MID1: variants seen among roughly 807,000 people sequenced by gnomAD.
The protein encoded by MID1 is E3 ubiquitin-protein ligase Midline-1.
In MID1, 7 loss-of-function variants were observed where a neutral mutation model predicts 40.4. That is an observed-to-expected ratio of 0.17 (90% confidence interval 0.10 to 0.33). The LOEUF is 0.33. Among genes scored for constraint, MID1 ranks in the 10% least tolerant of loss-of-function variants. The pLI is 1.00. For synonymous variants in MID1, 229 were observed against 221.2 expected (o/e 1.04, Z -0.31); for missense variants, 367 against 558.5 (o/e 0.66, Z 3.46).
chrX:10,480,138 G>T (rs758522196), intron 5 of MID1, among the ~76,000 whole-genome samples: 19 of 112,108 alleles, frequency 1.7e-4, no homozygotes, highest in African/African-American at 5.5e-4. Context: ...ACAGAGACAA[G>T]GCTCTTGGCA....
chrX:10,639,671 A>T (rs924260218), intron 1 of MID1, among the ~76,000 whole-genome samples: 1 of 111,390 alleles, frequency 9.0e-6, no homozygotes, highest in African/African-American at 3.3e-5. Context: ...GAATGCCACA[A>T]AGATACTCCT....
chrX:10,644,944 T>C (rs1602493354), intron 1 of MID1, among the ~76,000 whole-genome samples: 1 of 112,443 alleles, frequency 8.9e-6, no homozygotes, highest in East Asian at 2.8e-4. Flanking sequence ...TGCTGCTTTG[T>C]CATTGCCGTG....
At chrX:10,683,098 T>C (rs1335981426) in intron 1 of MID1, among the ~76,000 whole-genome samples, 1 of 112,264 alleles carries the variant, frequency 8.9e-6, no homozygotes. Context: ...TCTTCCTTGA[T>C]CTCAACTGAA....
intron 1 of MID1, among the ~76,000 whole-genome samples, chrX:10,670,420 A>G (rs1034212594): frequency 1.8e-5 from 2 of 111,852 alleles, no homozygotes; most frequent in Non-Finnish European, 3.8e-5. Context: ...AATATTAAAG[A>G]AAATAAAAGA....
At position 10,816,911 on chromosome X, in the gene MID1, A is replaced by G. The variant is rs2406685; in HGVS notation, c.-187+16643T>C. 2.3e-3 allele frequency among the ~76,000 whole-genome samples: 260 copies of G among 111,914 alleles called. 2 individuals carry two copies. The highest frequency in any genetic ancestry group is 7.9e-3 in the African/African-American group (243 of 30,840). On this transcript the variant is annotated intron_variant, in intron 1 of 10. Coordinates refer to the MID1 transcript ENST00000380785. Reference sequence around the variant, plus strand: ...GGAACAATGAAGGCAAAAAGAGGCAATGATACTCAGCCAGGTGAGCCAGTG... The same window carrying G: ...GGAACAATGAAGGCAAAAAGAGGCAGTGATACTCAGCCAGGTGAGCCAGTG...
chrX:10,749,829 A>G (rs1051722685), intron 1 of MID1, among the ~76,000 whole-genome samples: 8 of 111,690 alleles, frequency 7.2e-5, no homozygotes, highest in Non-Finnish European at 1.3e-4. Context: ...CACCAAAGAG[A>G]TGGTGCTAAA....
chrX:10,551,485 A>T (rs940908872), intron 2 of MID1, among the ~76,000 whole-genome samples: 1 of 112,151 alleles, frequency 8.9e-6, no homozygotes, highest in Non-Finnish European at 1.9e-5. Flanking sequence ...ATTTTGCTTG[A>T]CTATGTATTT....
chrX:10,593,967 C>G (rs1935364036), intron 1 of MID1, among the ~76,000 whole-genome samples: 1 of 111,352 alleles, frequency 9.0e-6, no homozygotes, highest in Admixed American at 9.5e-5. Context: ...GAATGAAGCT[C>G]AGGAGATCTG....
intron 4 of MID1, among the ~76,000 whole-genome samples, chrX:10,495,127 G>A (rs938926892): frequency 3.6e-5 from 4 of 111,737 alleles, no homozygotes; most frequent in African/African-American, 1.3e-4. Flanking sequence ...GGACCATGAA[G>A]TTATACCTGT....
At chrX:10,793,818 T>C (rs1271313729) in intron 1 of MID1, among the ~76,000 whole-genome samples, 1 of 112,122 alleles carries the variant, frequency 8.9e-6, no homozygotes, top group African/African-American at 3.2e-5. Flanking sequence ...TCAGGTCACC[T>C]CCACAGAGAC....
intron 7 of MID1, among the ~76,000 whole-genome samples, chrX:10,466,855 G>A (rs1423325549): frequency 8.9e-6 from 1 of 112,037 alleles, no homozygotes; most frequent in Non-Finnish European, 1.9e-5. Context: ...AGCTCATACA[G>A]CTGGAAAAAT....
chrX:10,555,995 C>G (rs772688813), intron 2 of MID1, among the ~76,000 whole-genome samples: 185 of 109,647 alleles, frequency 1.7e-3, no homozygotes, highest in Non-Finnish European at 2.5e-3. Context: ...CAGTCGATAC[C>G]GAAGTTCCTT....
chrX:10,640,328 A>G (rs1936175789), intron 1 of MID1, among the ~76,000 whole-genome samples: 1 of 111,341 alleles, frequency 9.0e-6, no homozygotes, highest in Non-Finnish European at 1.9e-5. Context: ...AAGACCTACC[A>G]AGCAAATGGG....
intron 2 of MID1, among the ~76,000 whole-genome samples, chrX:10,555,152 G>A (rs1934069270): frequency 8.9e-6 from 1 of 111,761 alleles, no homozygotes; most frequent in South Asian, 3.7e-4. Context: ...AGGAAAGCAC[G>A]TGAGAAGGGC....
chrX:10,825,371 A>G (rs2044208152), intron 1 of MID1, among the ~76,000 whole-genome samples: 1 of 111,876 alleles, frequency 8.9e-6, no homozygotes, highest in Non-Finnish European at 1.9e-5. Context: ...CCTTAATGGG[A>G]GAATATTTGG....
chrX:10,630,487 A>G (rs1014274409), intron 1 of MID1, among the ~76,000 whole-genome samples: 2 of 108,147 alleles, frequency 1.8e-5, no homozygotes, highest in African/African-American at 6.8e-5. Context: ...GAAGCACTAC[A>G]GTAGTAGGAG....
chrX:10,586,031 T>C (rs1396744632), intron 1 of MID1, among the ~76,000 whole-genome samples: 1 of 111,583 alleles, frequency 9.0e-6, no homozygotes, highest in African/African-American at 3.3e-5. Flanking sequence ...ACTATGGTCA[T>C]GGGAGGCTCA....
intron 1 of MID1, among the ~76,000 whole-genome samples, chrX:10,617,852 G>C (rs1000341864): frequency 9.8e-5 from 11 of 112,396 alleles, no homozygotes; most frequent in African/African-American, 3.2e-4. Context: ...GGCAGAGACA[G>C]GTTGGCACAT....
At chrX:10,603,242 A>T (rs902230299) in intron 1 of MID1, among the ~76,000 whole-genome samples, 1 of 111,738 alleles carries the variant, frequency 8.9e-6, no homozygotes, top group African/African-American at 3.3e-5. Flanking sequence ...TATTGCAAAT[A>T]GCCATGGGGT....
Sources: allele counts gnomAD v4.1 joint callset (sites outside exome capture counted in the v4.1 genomes callset), GRCh38; gene constraint gnomAD v4.1.1; transcripts MANE v1.5; gene names NCBI Gene and HGNC (gene_info 2026-07-23, HGNC 2026-07-21).